The following MIER3 variants were observed in gnomAD, a reference collection of about 807,000 sequenced individuals.
MIER3 encodes the protein mesoderm induction early response protein 3.
In MIER3, 9 loss-of-function variants were observed where a neutral mutation model predicts 63.2. That is an observed-to-expected ratio of 0.14 (90% CI 0.09 to 0.25). The LOEUF is 0.25. Among genes scored for constraint, MIER3 ranks in the 10% least tolerant of loss-of-function variants. The probability of loss-of-function intolerance (pLI) is 1.00; values close to 1 mark genes in which losing one functional copy is unlikely to be tolerated. For missense variants in MIER3, 512 were observed against 666.2 expected (o/e 0.77, Z 2.55); for synonymous variants, 205 against 224.9 (o/e 0.91, Z 0.79).
intron 8 of MIER3, among the ~76,000 whole-genome samples, chr5:56,931,863 T>C (rs986335723): frequency 2.0e-5 from 3 of 152,146 alleles, no homozygotes; most frequent in African/African-American, 7.2e-5. Flanking sequence ...GTGTCAAAAA[T>C]TATATTACCA....
chr5:56,939,343 AT>A (rs1042988452), intron 3 of MIER3, among the ~76,000 whole-genome samples: 4 of 152,144 alleles, frequency 2.6e-5, no homozygotes, highest in African/African-American at 9.7e-5. Context: ...CCCTGAAAAC[AT>A]TTCCAATTAA....
chr5:56,951,714 G>A (rs910793618), intron 1 of MIER3, among the ~76,000 whole-genome samples: 2 of 138,446 alleles, frequency 1.4e-5, no homozygotes, highest in African/African-American at 5.2e-5. Context: ...GGGCTCCGCC[G>A]GTTTCCACCC....
intron 4 of MIER3, chr5:56,938,480 C>A: frequency 2.3e-6 from 1 of 426,854 alleles, no homozygotes. Flanking sequence ...CGGCCGCTGT[C>A]ACTCCCAGAG....
Position 56,933,293 on chromosome 5 carries a change from A to G in MIER3, c.701T>C (p.Ile234Thr), listed in dbSNP as rs745481753. ...ETSLRTGSEKIMDRISAGTHT... is the reference protein window; with the variant it reads ...ETSLRTGSEKTMDRISAGTHT... ...TGTTCCTGCAGAAATCCTATCCATT[A>G]TTTTTTCACTGCCAGTCCTTAATGA... Residue 234 changes from isoleucine to threonine, a missense_variant, in exon 8 of 13, where the codon ATA (isoleucine) becomes ACA (threonine). Ile to Thr is a moderately conservative substitution (Grantham distance 89). Around this residue, in one of 5 missense-constraint regions of MIER3, gnomAD observed 118 missense variants for 133.6 expected, o/e 0.88. Transcript: ENST00000381199. The G allele has an allele frequency of 3.1e-6, 5 of 1,612,930 alleles. No homozygotes were observed. In the South Asian group the frequency reaches 4.4e-5, roughly 14 times the overall value.
Position 56,937,653 on chromosome 5 carries a change from G to C in MIER3, c.361C>G (p.Gln121Glu), listed in dbSNP as rs1206897053. 1 of 1,612,152 alleles carries C rather than the reference G, an allele frequency of 6.2e-7. No homozygotes were observed. Among genetic ancestry groups the C allele is most frequent in the Non-Finnish European group, 8.5e-7 (1 of 1,179,086 alleles). Residue 121 changes from glutamine (Q) to glutamate (E), a missense_variant, in exon 5 of 13, where the codon CAG becomes GAG. Gln to Glu is a conservative substitution (Grantham distance 29). Transcript: ENST00000381199. ...DLLSGDDEET[Q>E]SSADDLTPSV... The stretch of plus-strand genomic sequence containing the variant: ...GGCGTCAGATCATCCGCAGAAGACT[G>C]AGTTTCCTCGTCATCACCTGACAAC...
At chr5:56,950,043 A>G (rs1750963908) in intron 2 of MIER3, among the ~76,000 whole-genome samples, 1 of 152,192 alleles carries the variant, frequency 6.6e-6, no homozygotes, top group African/African-American at 2.4e-5. Flanking sequence ...CAGGAAAGTT[A>G]AGAAACACTG....
chr5:56,940,068 T>C (rs1205388426), intron 3 of MIER3, among the ~76,000 whole-genome samples: 2 of 152,104 alleles, frequency 1.3e-5, no homozygotes, highest in East Asian at 3.9e-4. Flanking sequence ...AGTGGCTCAC[T>C]CCTGTAATCC....
chr5:56,941,614 AAG>A (rs1324460919), intron 3 of MIER3: 1 of 152,222 alleles, frequency 6.6e-6, no homozygotes, highest in African/African-American at 2.4e-5. Flanking sequence ...AGAGAATGGA[AAG>A]AGAGGCAGGG....
chr5:56,927,966 A>G (rs763605872), intron 10 of MIER3: 1 of 152,044 alleles, frequency 6.6e-6, no homozygotes, highest in Non-Finnish European at 1.5e-5. Flanking sequence ...GGAAAGCTAC[A>G]GTATAGAGTC....
At chr5:56,940,172 A>G (rs1471360141) in intron 3 of MIER3, among the ~76,000 whole-genome samples, 1 of 152,256 alleles carries the variant, frequency 6.6e-6, no homozygotes, top group African/African-American at 2.4e-5. Flanking sequence ...TCTACTAAAA[A>G]TACAAAAAAA....
intron 8 of MIER3, among the ~76,000 whole-genome samples, chr5:56,931,050 C>T (rs1307312501): frequency 6.6e-6 from 1 of 152,036 alleles, no homozygotes; most frequent in Non-Finnish European, 1.5e-5. Context: ...TAGAGTTTCC[C>T]CTATTTTAGA....
Position 56,923,766 on chromosome 5 carries a change from T to C in MIER3, c.1120A>G (p.Thr374Ala), listed in dbSNP as rs1290561554. ...GGAATAGGCTCAGGCCGGTTAGAAG[T>C]TAAGGCTGAAGCATTTACCGTCCCA... ...LGGTVNASAL[T>A]SNRPEPIPDQ... is the part of the protein sequence containing the mutation. The change falls in exon 12 of 13, where the codon ACT becomes GCT. Residue 374 changes from threonine to alanine, a missense_variant. Around this residue, in one of 5 missense-constraint regions of MIER3, gnomAD observed 218 missense variants for 251.2 expected, o/e 0.87. Transcript: ENST00000381199. 2 of 1,614,068 alleles carry C rather than the reference T, an allele frequency of 1.2e-6. No homozygotes were observed. Among genetic ancestry groups the C allele is most frequent in the African/African-American group, 2.7e-5 (2 of 74,916 alleles).
chr5:56,927,945 A>G (rs1260802980), intron 10 of MIER3: 1 of 152,118 alleles, frequency 6.6e-6, no homozygotes, highest in Non-Finnish European at 1.5e-5. Context: ...TTTTCAGAAT[A>G]TCATATATTT....
intron 10 of MIER3, 147 bp from the exon 11 acceptor site, chr5:56,924,189 C>A (rs769699561): frequency 1.3e-6 from 1 of 780,266 alleles, no homozygotes; most frequent in Non-Finnish European, 1.9e-6. Flanking sequence ...TTATAAAGTT[C>A]TGAACACTTT....
chr5:56,928,999 ACACACACTCTCTCTCTCTCTCTCTCT>A, intron 9 of MIER3, 138 bp from the exon 10 acceptor site: 1 of 555,358 alleles, frequency 1.8e-6, no homozygotes, highest in South Asian at 2.5e-5. Flanking sequence ...TCTCACACAC[ACACACACTCTCTCTCTCTCTCTCTCT>A]CTGTATGCAG....
At chr5:56,930,629 G>A (rs369225296) in intron 9 of MIER3, 35 bp downstream of exon 9, 3 of 1,563,390 alleles carry the variant, frequency 1.9e-6, no homozygotes, top group Non-Finnish European at 2.6e-6. Flanking sequence ...GACCATCCCT[G>A]TCATGTCCCT....
chr5:56,947,039 C>T lies in MIER3; in HGVS notation c.67G>A (p.Asp23Asn). Residue 23 changes from aspartate to asparagine, a missense_variant, in exon 3 of 13, where the codon GAC becomes AAC. Transcript: ENST00000381199. ...TGGACCAACATCTCAGCAGTGGGGT[C>T]AAAATCATGATCCTCAGAAGACAAA... ...GSLSSEDHDF[D>N]PTAEMLVHDY... 1 of 1,609,320 alleles carries T rather than the reference C, an allele frequency of 6.2e-7. No individual in the cohort carries two copies. Among genetic ancestry groups the T allele is most frequent in the Non-Finnish European group, 8.5e-7 (1 of 1,178,522 alleles).
At chr5:56,952,149 A>T, upstream of MIER3, 1 of 1,192,078 alleles carries the variant, frequency 8.4e-7, no homozygotes. Context: ...CAGTCCCCGG[A>T]TGGGGCGCCT....
rs2112052875 is a variant in MIER3 at position 56,921,048 on chromosome 5, ACT to A, written c.*2078_*2079del. The A allele has an allele frequency of 6.6e-6, 1 of 152,666 alleles. No individual in the cohort carries two copies. The highest frequency in any genetic ancestry group is 1.9e-4 in the East Asian group (1 of 5,188). The allele number at this position is 152,666 out of a possible 1,614,324, so 9.5% of individuals were successfully genotyped here. On this transcript the variant is annotated 3_prime_UTR_variant, in exon 13 of 13. Coordinates refer to ENST00000381199, the MANE Select transcript of MIER3 (RefSeq NM_001297599.2). ...ATAATCAAAACTTTAGATAAGAAAC[ACT>A]GTTTCCATCTTATATCAAGACCCCA...
Sources: gnomAD v4.1 joint callset for allele counts (sites outside exome capture counted in the v4.1 genomes callset) on GRCh38, gnomAD v4.1.1 for gene constraint, gnomAD v4.1.1 regional missense constraint, MANE v1.5 for transcripts, NCBI Gene and HGNC (gene_info 2026-07-23, HGNC 2026-07-21) for gene names.